Variants in CAMTA1 observed in about 807,000 individuals in gnomAD.
The protein encoded by CAMTA1 is calmodulin binding transcription activator 1.
A neutral mutation model predicts 170.9 loss-of-function variants in CAMTA1; 27 were observed. The observed-to-expected ratio is 0.16, with a 90% CI of 0.12 to 0.22. The LOEUF is 0.22. Among genes scored for constraint, CAMTA1 ranks in the 10% least tolerant of loss-of-function variants. The pLI is 1.00. For synonymous variants in CAMTA1, 833 were observed against 891.5 expected, an observed-to-expected ratio of 0.93 and a Z score of 1.17; for missense variants, 1,619 against 2,217.2, an observed-to-expected ratio of 0.73 and a Z score of 5.42.
At chr1:7,052,448 T>C (rs902656906) in intron 3 of CAMTA1, among the ~76,000 whole-genome samples, 8 of 151,966 alleles carry the variant, frequency 5.3e-5, no homozygotes, top group Non-Finnish European at 1.2e-4. Context: ...CTCTGCCCAC[T>C]CCTCCCAGTG....
chr1:7,478,148 C>T (rs1352603761), intron 6 of CAMTA1, among the ~76,000 whole-genome samples: 1 of 152,158 alleles, frequency 6.6e-6, no homozygotes, highest in African/African-American at 2.4e-5. Context: ...CACCAGGACC[C>T]TTTCCAGCAG....
rs554353934 is a variant in CAMTA1, at chr1:6,790,357, TGAGAGA to T, written c.45+4796_45+4801del. Among the ~76,000 whole-genome samples the T allele has an allele frequency of 3.2e-4, 46 of 145,228 alleles. 1 individual carries two copies. The highest frequency in any genetic ancestry group is 1.1e-3 in the African/African-American group (44 of 38,890). ...TTTCCCCCAGACTGTGTGCAGAGTGTGAGAGAGAGAGAGAGAGAGTGTGTGTGTGTG... is the reference window on the plus strand; with the variant it reads ...TTTCCCCCAGACTGTGTGCAGAGTGTGAGAGAGAGAGAGTGTGTGTGTGTG... On this transcript the variant is annotated intron_variant, in intron 1 of 22. Transcript: ENST00000303635.
intron 3 of CAMTA1, among the ~76,000 whole-genome samples, chr1:7,013,019 G>A (rs1317733244): frequency 1.3e-5 from 2 of 149,240 alleles, no homozygotes; most frequent in Non-Finnish European, 1.5e-5. Context: ...TGGGCCAAAA[G>A]CCTTGGGATC....
At chr1:7,359,085 G>A (rs1292650717) in intron 5 of CAMTA1, among the ~76,000 whole-genome samples, 2 of 152,186 alleles carry the variant, frequency 1.3e-5, no homozygotes, top group East Asian at 1.9e-4. Flanking sequence ...GCAGGCTCAC[G>A]TGCATAAGAG....
rs2092954434 is a variant in CAMTA1 at position 7,456,386 on chromosome 1, T to C, written c.439-11444T>C. On this transcript the variant is annotated intron_variant, in intron 5 of 22. Coordinates refer to ENST00000303635, the MANE Select transcript of CAMTA1 (RefSeq NM_015215.4). The surrounding 1 kb of genome is among the most constrained non-coding windows in gnomAD (Gnocchi z 4.9). ...AGCCACTTGGCAGGGCTCCAAGAAA[T>C]AGGTCTCAGCGGTACATTTTGATGA... 6.6e-6 allele frequency among the ~76,000 whole-genome samples: 1 copy of C among 152,190 alleles called. No individual in the cohort carries two copies. Among genetic ancestry groups the C allele is most frequent in the Non-Finnish European group, 1.5e-5 (1 of 68,034 alleles).
intron 6 of CAMTA1, among the ~76,000 whole-genome samples, chr1:7,586,313 G>A (rs2095309393): frequency 6.6e-6 from 1 of 152,164 alleles, no homozygotes; most frequent in African/African-American, 2.4e-5. Flanking sequence ...TTAGGGAAAT[G>A]TCCTTGGCTC....
At chr1:6,933,845 A>G (rs765343719) in intron 3 of CAMTA1, among the ~76,000 whole-genome samples, 17 of 152,160 alleles carry the variant, frequency 1.1e-4, no homozygotes, top group Non-Finnish European at 1.0e-4. Flanking sequence ...CTTTAAGCCA[A>G]TACCCCACTG....
At chr1:7,753,886 A>T (rs2096914415) in intron 21 of CAMTA1, among the ~76,000 whole-genome samples, 1 of 152,248 alleles carries the variant, frequency 6.6e-6, no homozygotes, top group Non-Finnish European at 1.5e-5. Context: ...TGAAACAGGA[A>T]GTCCTGTTAG....
chr1:7,493,176 C>T (rs1344577607), intron 6 of CAMTA1, among the ~76,000 whole-genome samples: 4 of 147,462 alleles, frequency 2.7e-5, no homozygotes, highest in Non-Finnish European at 5.9e-5. Context: ...CACGCGCACA[C>T]AAATACAAAC....
intron 4 of CAMTA1, among the ~76,000 whole-genome samples, chr1:7,134,522 G>A (rs1645438259): frequency 6.6e-6 from 1 of 152,052 alleles, no homozygotes; most frequent in African/African-American, 2.4e-5. Flanking sequence ...TGTCCAGGCT[G>A]ATTACAAACT....
At chr1:7,313,139 A>G (rs954855444) in intron 5 of CAMTA1, among the ~76,000 whole-genome samples, 1 of 152,224 alleles carries the variant, frequency 6.6e-6, no homozygotes, top group African/African-American at 2.4e-5. Flanking sequence ...GCCTCTGGCT[A>G]ACATGAATTT....
chr1:7,117,674 C>A (rs946366065), intron 4 of CAMTA1, among the ~76,000 whole-genome samples: 1 of 152,170 alleles, frequency 6.6e-6, no homozygotes. Context: ...GAGCAGAGGA[C>A]GGCCTCTGGC....
rs138909057 is a variant in CAMTA1, at chr1:7,286,834, A to C, written c.438+37208A>C. Reference sequence around the variant, plus strand: ...ATCAGGCAAGTTATTTAACTTTCCTAAGCCTCAGTTTCCTCCTCTGAAAAT... The same window carrying C: ...ATCAGGCAAGTTATTTAACTTTCCTCAGCCTCAGTTTCCTCCTCTGAAAAT... On this transcript the variant is annotated intron_variant, in intron 5 of 22. Transcript: ENST00000303635. This position sits in a 1 kb window ranked among gnomAD's most constrained non-coding sequence, Gnocchi z 4.2. 4.4e-3 allele frequency among the ~76,000 whole-genome samples: 673 copies of C among 152,318 alleles called. 8 individuals are homozygous for C. The highest frequency in any genetic ancestry group is 0.024 in the Admixed American group (367 of 15,306).
rs1341997130 is a variant in CAMTA1, at chr1:7,333,886, T to C, written c.438+84260T>C. 2.6e-5 allele frequency among the ~76,000 whole-genome samples: 4 copies of C among 152,202 alleles called. No homozygotes were observed. Among genetic ancestry groups the C allele is most frequent in the African/African-American group, 9.7e-5 (4 of 41,448 alleles). ...CCAGTGAAATGGAGGAATTTTTTTTTATTACTTACATTTATCAAGGAAAGA... is the reference window on the plus strand; with the variant it reads ...CCAGTGAAATGGAGGAATTTTTTTTCATTACTTACATTTATCAAGGAAAGA... On this transcript the variant is annotated intron_variant, in intron 5 of 22. Transcript: ENST00000303635. This position sits in a 1 kb window ranked among gnomAD's most constrained non-coding sequence, Gnocchi z 4.4.
chr1:7,500,527 T>C (rs543147108), intron 6 of CAMTA1, among the ~76,000 whole-genome samples: 1 of 152,254 alleles, frequency 6.6e-6, no homozygotes. Context: ...AAGCTCAGGC[T>C]ACTGCGCCCA....
chr1:7,571,049 A>G (rs1293906073), intron 6 of CAMTA1, among the ~76,000 whole-genome samples: 3 of 152,208 alleles, frequency 2.0e-5, no homozygotes, highest in Admixed American at 6.5e-5. Flanking sequence ...TCTGTGCCCA[A>G]CTGCCTTCAC....
At chr1:7,755,605 A>C in intron 21 of CAMTA1, 33 bp from the exon 22 acceptor site, 1 of 1,587,240 alleles carries the variant, frequency 6.3e-7, no homozygotes, top group Non-Finnish European at 8.7e-7. Flanking sequence ...CTCATGTGCT[A>C]ATAGCTCTCT....
chr1:6,988,121 TCTC>T (rs1476821601), intron 3 of CAMTA1, among the ~76,000 whole-genome samples: 2 of 152,082 alleles, frequency 1.3e-5, no homozygotes, highest in Non-Finnish European at 2.9e-5. Context: ...GTGTCAGAGT[TCTC>T]CTAGTGGCCA....
At chr1:7,515,444 T>G (rs934192831) in intron 6 of CAMTA1, among the ~76,000 whole-genome samples, 1 of 152,190 alleles carries the variant, frequency 6.6e-6, no homozygotes, top group Admixed American at 6.5e-5. Context: ...GTGCCCAATT[T>G]CCTCATGGGC....
Sources: allele counts gnomAD v4.1 joint callset (sites outside exome capture counted in the v4.1 genomes callset), GRCh38; gene constraint gnomAD v4.1.1; non-coding constraint Gnocchi (gnomAD v3.1); transcripts MANE v1.5; gene names NCBI Gene and HGNC (gene_info 2026-07-23, HGNC 2026-07-21).